Variants in DOCK10 observed in about 807,000 individuals in gnomAD.
DOCK10 encodes dedicator of cytokinesis 10, also known as dedicator of cytokinesis protein 10.
DOCK10 carries 145 observed loss-of-function variants against 280.1 expected under a neutral mutation model. The observed-to-expected ratio is 0.52, with a 90% CI of 0.45 to 0.59. The LOEUF (loss-of-function observed/expected upper bound fraction) is 0.59. Among genes scored for constraint, DOCK10 ranks in the 20% least tolerant of loss-of-function variants. The pLI, the probability that DOCK10 is intolerant of heterozygous loss-of-function variation, is 0.00. For missense variants in DOCK10, 2,368 were observed against 2,651.7 expected, an observed-to-expected ratio of 0.89 and a Z score of 2.35; for synonymous variants, 915 against 942.2, an observed-to-expected ratio of 0.97 and a Z score of 0.53.
rs544664134 is a variant in DOCK10 at position 224,896,479 on chromosome 2, C to G, written c.334-102G>C. 12 of 646,864 alleles carry G rather than the reference C, an allele frequency of 1.9e-5. No individual in the cohort carries two copies. The East Asian group carries it at 3.7e-4, about 20-fold the overall frequency. The allele number at this position is 646,864 out of a possible 1,614,324, so 40.1% of individuals were successfully genotyped here. Reference sequence around the variant, plus strand: ...ATCCCAGCACTTTGAGAGTCTGAGGCGGGTAGATCACCTGAGATCAGGAGT... The same window carrying G: ...ATCCCAGCACTTTGAGAGTCTGAGGGGGGTAGATCACCTGAGATCAGGAGT... On this transcript the variant is annotated intron_variant, in intron 3 of 55. Coordinates refer to ENST00000258390, the MANE Select transcript of DOCK10 (RefSeq NM_014689.3).
chr2:225,038,023 G>A (rs1223246328), intron 1 of DOCK10, among the ~76,000 whole-genome samples: 1 of 152,032 alleles, frequency 6.6e-6, no homozygotes, highest in African/African-American at 2.4e-5. Context: ...AAACATAACC[G>A]TGTGATTTCT....
chr2:224,976,776 T>G (rs895458266), intron 1 of DOCK10, among the ~76,000 whole-genome samples: 59 of 152,266 alleles, frequency 3.9e-4, no homozygotes, highest in African/African-American at 1.4e-3. Flanking sequence ...TCAGAATACT[T>G]TAGGCTTGGT....
chr2:224,890,346 A>T (rs1198997798), intron 4 of DOCK10, among the ~76,000 whole-genome samples: 1 of 152,238 alleles, frequency 6.6e-6, no homozygotes, highest in African/African-American at 2.4e-5. Context: ...ACTAGTAACG[A>T]TGTAAAAACA....
At chr2:224,824,675 C>G (rs1012687335) in intron 27 of DOCK10, among the ~76,000 whole-genome samples, 1 of 151,884 alleles carries the variant, frequency 6.6e-6, no homozygotes, top group African/African-American at 2.4e-5. Flanking sequence ...CTCAAGTGAT[C>G]TGCTTGCCTT....
At chr2:224,921,112 A>AAAATATATATATATATATATAT in intron 2 of DOCK10, among the ~76,000 whole-genome samples, 2 of 54,410 alleles carry the variant, frequency 3.7e-5, no homozygotes, top group South Asian at 6.4e-4. Context: ...AAAAAAAAAA[A>AAAATATATATATATATATATAT]ATATATATAT....
intron 7 of DOCK10, among the ~76,000 whole-genome samples, chr2:224,881,788 C>T (rs13406420): frequency 0.18 from 27,670 of 152,062 alleles, 4,254 homozygotes; most frequent in African/African-American, 0.43. Flanking sequence ...GCGAGGCTTA[C>T]GGGTCATATT....
Position 224,774,996 on chromosome 2 carries a change from G to GTCTCGAA in DOCK10, c.5921_5922insTTCGAGA (p.Asn1975SerfsTer48). The GTCTCGAA allele has an allele frequency of 1.2e-6, 2 of 1,613,668 alleles. No individual in the cohort carries two copies. The highest frequency in any genetic ancestry group is 1.7e-6 in the Non-Finnish European group (2 of 1,179,768). On this transcript the variant is annotated frameshift_variant, in exon 52 of 56. Transcript: ENST00000258390. LOFTEE classifies it high-confidence loss of function. ...AGGGTGTCTCGAAGACAAAGCGGTT[G>GTCTCGAA]ATGTTGTGGTGCATTTCGAAATCTG... is the stretch of plus-strand genomic sequence containing the variant.
At position 224,816,710 on chromosome 2, in the gene DOCK10, A is replaced by G; in HGVS notation, c.3271T>C (p.Leu1091=). 1 of 1,577,842 alleles carries G rather than the reference A, an allele frequency of 6.3e-7. No homozygotes were observed. The highest frequency in any genetic ancestry group is 8.7e-7 in the Non-Finnish European group (1 of 1,152,996). ...SMFSSGDLKT[L]CQYKFDFLQE... ...AGAAAATCAAATTTATACTGGCACA[A>G]GGTCTGAAAGAGAGGCAAACTAAAT... The change falls in exon 30 of 56, where the codon TTG becomes CTG. Residue 1091 remains leucine (L), a synonymous_variant. Coordinates refer to ENST00000258390, the MANE Select transcript of DOCK10 (RefSeq NM_014689.3).
At position 224,874,295 on chromosome 2, in the gene DOCK10, T is replaced by G; in HGVS notation, c.1072A>C (p.Asn358His). The G allele has an allele frequency of 6.2e-7, 1 of 1,613,496 alleles. No individual in the cohort carries two copies. Among genetic ancestry groups the G allele is most frequent in the Non-Finnish European group, 8.5e-7 (1 of 1,179,694 alleles). Residue 358 changes from asparagine (N) to histidine (H), a missense_variant, in exon 10 of 56, where the codon AAT becomes CAT. Around this residue, in one of 2 missense-constraint regions of DOCK10, gnomAD observed 1,209 missense variants for 1,250.9 expected, o/e 0.97. Transcript: ENST00000258390. ...VKTTRNMERLNLFSLDPDIDT... is the reference protein window; with the variant it reads ...VKTTRNMERLHLFSLDPDIDT... ...ATGTCTGGATCTAGAGAGAACAGAT[T>G]TAGCCTCTCCATGTTTCGAGTTGTT...
At chr2:224,892,397 C>CAAAAAAAAA (rs1174651393) in intron 4 of DOCK10, among the ~76,000 whole-genome samples, 15 of 52,202 alleles carry the variant, frequency 2.9e-4, no homozygotes, top group Non-Finnish European at 4.3e-4. Flanking sequence ...GACCCTGTCT[C>CAAAAAAAAA]AAAAAAAAAA....
chr2:224,772,229 CTT>C (rs1433920065), intron 53 of DOCK10, among the ~76,000 whole-genome samples: 1 of 152,110 alleles, frequency 6.6e-6, no homozygotes, highest in Non-Finnish European at 1.5e-5. Context: ...ACTTCTTTGG[CTT>C]TTAGGGTCCA....
chr2:224,813,539 C>G (rs1693924663), intron 31 of DOCK10, among the ~76,000 whole-genome samples: 1 of 152,160 alleles, frequency 6.6e-6, no homozygotes, highest in Non-Finnish European at 1.5e-5. Context: ...AACAGTAGTA[C>G]TAGCACCCGT....
At chr2:224,895,236 A>C (rs548554185) in intron 4 of DOCK10, among the ~76,000 whole-genome samples, 1 of 152,248 alleles carries the variant, frequency 6.6e-6, no homozygotes, top group Non-Finnish European at 1.5e-5. Context: ...CAAGTATACA[A>C]GTCTTGAAAA....
intron 41 of DOCK10, 57 bp from the exon 42 acceptor site, chr2:224,798,026 CA>C: frequency 5.8e-6 from 9 of 1,542,516 alleles, no homozygotes; most frequent in Non-Finnish European, 7.9e-6. Context: ...TTCATTCTAT[CA>C]AAAAATATTT....
At chr2:224,771,436 CAG>C in intron 53 of DOCK10, among the ~76,000 whole-genome samples, 1 of 152,208 alleles carries the variant, frequency 6.6e-6, no homozygotes, top group East Asian at 1.9e-4. Flanking sequence ...GCCCTAGAAT[CAG>C]TGTTTCACTG....
At chr2:225,030,734 G>A (rs1414287876) in intron 1 of DOCK10, among the ~76,000 whole-genome samples, 1 of 152,018 alleles carries the variant, frequency 6.6e-6, no homozygotes, top group East Asian at 1.9e-4. Flanking sequence ...ATTAAATTCT[G>A]CTCAGTTTAC....
chr2:224,870,385 G>A (rs1224204859), intron 11 of DOCK10, among the ~76,000 whole-genome samples: 1 of 152,124 alleles, frequency 6.6e-6, no homozygotes, highest in Non-Finnish European at 1.5e-5. Context: ...TGGTTTCAAG[G>A]ACTAAGTTTC....
intron 24 of DOCK10, among the ~76,000 whole-genome samples, chr2:224,839,087 CT>C (rs1314339876): frequency 2.0e-5 from 3 of 150,084 alleles, no homozygotes; most frequent in East Asian, 3.9e-4. Context: ...CATAGCACTT[CT>C]TTTTTTTTGA....
intron 23 of DOCK10, chr2:224,840,291 G>A: frequency 2.5e-6 from 1 of 401,700 alleles, no homozygotes; most frequent in Non-Finnish European, 4.5e-6. Flanking sequence ...GCACAGCCAA[G>A]GAAACACTCA....
Sources: allele counts gnomAD v4.1 joint callset (sites outside exome capture counted in the v4.1 genomes callset), GRCh38; gene constraint gnomAD v4.1.1; regional missense constraint gnomAD v4.1.1; transcripts MANE v1.5; gene names NCBI Gene and HGNC (gene_info 2026-07-23, HGNC 2026-07-21).